The following RPS6KB1 variants were observed in gnomAD, a reference collection of about 807,000 sequenced individuals.
The protein encoded by RPS6KB1 is ribosomal protein S6 kinase B1.
RPS6KB1 carries 12 observed loss-of-function variants against 70.2 expected under a neutral mutation model. The observed-to-expected ratio is 0.17, with a 90% CI of 0.11 to 0.28. RPS6KB1 has a LOEUF of 0.28. Among genes scored for constraint, RPS6KB1 ranks in the 10% least tolerant of loss-of-function variants. The pLI is 1.00. For synonymous variants in RPS6KB1, 175 were observed against 211.2 expected, an observed-to-expected ratio of 0.83 and a Z score of 1.49; for missense variants, 270 against 646.6, an observed-to-expected ratio of 0.42 and a Z score of 6.32.
At chr17:59,899,443 G>T (rs913950997) in intron 1 of RPS6KB1, among the ~76,000 whole-genome samples, 1 of 152,134 alleles carries the variant, frequency 6.6e-6, no homozygotes, top group Non-Finnish European at 1.5e-5. Flanking sequence ...GCTACAGGGC[G>T]TATCTTGTGA....
At position 59,947,488 on chromosome 17, in the gene RPS6KB1, TG is replaced by T; in HGVS notation, c.*704del. The T allele has an allele frequency of 1.4e-6, 2 of 1,463,080 alleles. No homozygotes were observed. The highest frequency in any genetic ancestry group is 1.4e-5 in the African/African-American group (1 of 69,726). 90.6% of individuals were successfully genotyped at this position (1,463,080 alleles called of 1,614,324 possible). On this transcript the variant is annotated 3_prime_UTR_variant, in exon 15 of 15. Coordinates refer to ENST00000225577, the MANE Select transcript of RPS6KB1 (RefSeq NM_003161.4). ...CACAGCTGTGGCTCGTTTGAGGGAT[TG>T]GGGTGGACCTGGGGTTTATTTTCAG...
chr17:59,917,046 A>C (rs1223949284), intron 4 of RPS6KB1, among the ~76,000 whole-genome samples: 1 of 152,138 alleles, frequency 6.6e-6, no homozygotes, highest in African/African-American at 2.4e-5. Flanking sequence ...CTGTGGAAAT[A>C]TTTAAGATTT....
chr17:59,928,755 T>G (rs2043769266), intron 5 of RPS6KB1, among the ~76,000 whole-genome samples: 1 of 152,232 alleles, frequency 6.6e-6, no homozygotes, highest in Non-Finnish European at 1.5e-5. Context: ...TCTTCTTAGT[T>G]TCCTTTAATC....
At chr17:59,932,110 A>C (rs2043954689) in intron 7 of RPS6KB1, among the ~76,000 whole-genome samples, 1 of 152,144 alleles carries the variant, frequency 6.6e-6, no homozygotes, top group South Asian at 2.1e-4. Flanking sequence ...AATAATGAAA[A>C]TATGTAAATA....
At chr17:59,903,692 C>T (rs2042097248) in intron 1 of RPS6KB1, among the ~76,000 whole-genome samples, 1 of 152,080 alleles carries the variant, frequency 6.6e-6, no homozygotes, top group African/African-American at 2.4e-5. Flanking sequence ...CAGTTTCTCT[C>T]ATCCTCCCCC....
At chr17:59,908,166 G>T (rs1318943377) in intron 1 of RPS6KB1, among the ~76,000 whole-genome samples, 1 of 151,818 alleles carries the variant, frequency 6.6e-6, no homozygotes, top group African/African-American at 2.4e-5. Context: ...AGAATGTAGT[G>T]CCTTTAATTT....
intron 13 of RPS6KB1, among the ~76,000 whole-genome samples, chr17:59,943,318 G>A (rs2044723861): frequency 2.0e-5 from 3 of 152,028 alleles, no homozygotes; most frequent in Admixed American, 6.6e-5. Context: ...TTATACCTTT[G>A]ATTTAACATA....
At chr17:59,924,075 T>C (rs1202166416) in intron 4 of RPS6KB1, among the ~76,000 whole-genome samples, 2 of 152,016 alleles carry the variant, frequency 1.3e-5, no homozygotes, top group Admixed American at 1.3e-4. Context: ...GGCTCACACC[T>C]GTAATCCCAG....
intron 1 of RPS6KB1, among the ~76,000 whole-genome samples, chr17:59,896,651 A>G (rs1237989083): frequency 6.6e-6 from 1 of 152,142 alleles, no homozygotes; most frequent in Non-Finnish European, 1.5e-5. Flanking sequence ...GAGGTCAGAA[A>G]AATTGGTGGA....
intron 13 of RPS6KB1, among the ~76,000 whole-genome samples, chr17:59,941,779 G>A (rs147473350): frequency 0.042 from 6,371 of 151,170 alleles, 470 homozygotes; most frequent in African/African-American, 0.15. Flanking sequence ...GACTATAGGC[G>A]TGCGCCACCA....
At chr17:59,940,698 C>T in intron 12 of RPS6KB1, 138 bp from the exon 13 acceptor site, 4 of 451,068 alleles carry the variant, frequency 8.9e-6, no homozygotes, top group African/African-American at 6.1e-5. Flanking sequence ...TTTTTTTCTT[C>T]ATTCTGTGCC....
At chr17:59,918,010 C>T (rs898530858) in intron 4 of RPS6KB1, among the ~76,000 whole-genome samples, 2 of 151,920 alleles carry the variant, frequency 1.3e-5, no homozygotes, top group Non-Finnish European at 2.9e-5. Context: ...CTTGGCTCAC[C>T]GCAACCTCCG....
At chr17:59,902,012 TAAAA>T (rs759292909) in intron 1 of RPS6KB1, among the ~76,000 whole-genome samples, 14 of 53,072 alleles carry the variant, frequency 2.6e-4, no homozygotes, top group Non-Finnish European at 3.8e-4. Flanking sequence ...AACCTGTCTC[TAAAA>T]AAAAAAAAAA....
At chr17:59,908,666 T>G (rs1173038873) in intron 1 of RPS6KB1, among the ~76,000 whole-genome samples, 17 of 136,234 alleles carry the variant, frequency 1.2e-4, no homozygotes, top group African/African-American at 4.8e-4. Flanking sequence ...TCGCCCAGGC[T>G]GGAGTGCAGT....
intron 1 of RPS6KB1, among the ~76,000 whole-genome samples, chr17:59,897,937 C>T (rs2041665843): frequency 1.3e-5 from 2 of 150,990 alleles, no homozygotes; most frequent in African/African-American, 2.4e-5. Flanking sequence ...TGCACTCCAG[C>T]CTGGGCGACA....
intron 3 of RPS6KB1, 139 bp from the exon 4 acceptor site, chr17:59,914,494 GTC>G (rs2042827926): frequency 1.0e-5 from 7 of 694,804 alleles, no homozygotes; most frequent in Non-Finnish European, 1.5e-5. Context: ...CATTAATGTG[GTC>G]TGTTCTTTTA....
chr17:59,934,398 G>A lies in RPS6KB1; in HGVS notation c.780-36G>A, dbSNP rs768638252. On this transcript the variant is annotated intron_variant, in intron 8 of 14. Coordinates refer to ENST00000225577, the MANE Select transcript of RPS6KB1 (RefSeq NM_003161.4). The surrounding 1 kb of genome is among the most constrained non-coding windows in gnomAD (Gnocchi z 4.8). ...TTCTAATTCAGATGATATGCAAATG[G>A]GTGAATTTTTAAGCATATTATTTTC... 26 of 1,566,438 alleles carry A rather than the reference G, an allele frequency of 1.7e-5. No homozygotes were observed. Among genetic ancestry groups the A allele is most frequent in the Non-Finnish European group, 1.9e-5 (22 of 1,137,154 alleles).
chr17:59,899,820 G>A (rs2144675351), intron 1 of RPS6KB1, among the ~76,000 whole-genome samples: 1 of 152,102 alleles, frequency 6.6e-6, no homozygotes, highest in Non-Finnish European at 1.5e-5. Flanking sequence ...AGTGAGTTAT[G>A]ACTAAAATTT....
chr17:59,946,831 A>T lies in RPS6KB1; in HGVS notation c.*43A>T, dbSNP rs758995304. On this transcript the variant is annotated 3_prime_UTR_variant, in exon 15 of 15. Coordinates refer to ENST00000225577, the MANE Select transcript of RPS6KB1 (RefSeq NM_003161.4). This position sits in a 1 kb window ranked among gnomAD's most constrained non-coding sequence, Gnocchi z 4.2. ...TGAATTTAAGGCAAAAAAGGTGGAG[A>T]GGGAGATGTGTGAGCATCCTGCAAG... is the stretch of plus-strand genomic sequence containing the variant. The T allele has an allele frequency of 6.2e-7, 1 of 1,608,080 alleles. No individual in the cohort carries two copies. The highest frequency in any genetic ancestry group is 1.1e-5 in the South Asian group (1 of 90,706).
Sources: gnomAD v4.1 joint callset for allele counts (sites outside exome capture counted in the v4.1 genomes callset) on GRCh38, gnomAD v4.1.1 for gene constraint, Gnocchi (gnomAD v3.1) non-coding constraint, MANE v1.5 for transcripts, NCBI Gene and HGNC (gene_info 2026-07-23, HGNC 2026-07-21) for gene names.